CDH13: variants seen among roughly 807,000 people sequenced by gnomAD.
CDH13 encodes the protein cadherin-13.
Under a neutral mutation model 63.8 loss-of-function variants are expected in CDH13, and 24 were observed. That is an observed-to-expected ratio of 0.38 (90% CI 0.27 to 0.53). The LOEUF (loss-of-function observed/expected upper bound fraction) is 0.53, where lower values mean the gene tolerates loss of function less well. Ranked by LOEUF, CDH13 falls within the 20% of genes least tolerant of loss-of-function variation. The pLI is 0.85. For missense variants in CDH13, 1,049 were observed against 903.1 expected (o/e 1.16, Z -2.07); for synonymous variants, 503 against 355.3 (o/e 1.42, Z -4.67).
chr16:82,979,995 G>T (rs1352123298), intron 2 of CDH13, among the ~76,000 whole-genome samples: 5 of 152,142 alleles, frequency 3.3e-5, no homozygotes, highest in South Asian at 2.1e-4. Context: ...ATCATTAATG[G>T]AATATTTTAT....
chr16:82,703,857 A>G (rs1327884344), intron 1 of CDH13, among the ~76,000 whole-genome samples: 1 of 152,168 alleles, frequency 6.6e-6, no homozygotes, highest in East Asian at 1.9e-4. Flanking sequence ...GAGCCCCGTC[A>G]GTGACACCTG....
intron 2 of CDH13, among the ~76,000 whole-genome samples, chr16:82,984,013 C>A (rs532743222): frequency 2.6e-5 from 4 of 152,180 alleles, no homozygotes; most frequent in African/African-American, 9.7e-5. Flanking sequence ...GGAAGCTGGA[C>A]TGGGAAGCCC....
chr16:83,116,314 G>A (rs1050325178), intron 3 of CDH13, among the ~76,000 whole-genome samples: 2 of 152,200 alleles, frequency 1.3e-5, no homozygotes, highest in Admixed American at 6.5e-5. Context: ...AGGGAGGTCA[G>A]GGGGATGGGG....
chr16:83,139,480 C>A lies in CDH13; in HGVS notation c.483+13979C>A, dbSNP rs1464081397. ...CTGATGTTGGCTATGCATTAGTTTA[C>A]ACAATTCACAGGCTCTGTGTTGCTC... On this transcript the variant is annotated intron_variant, in intron 4 of 13. Transcript: ENST00000567109. Among the ~76,000 whole-genome samples, 13 of 152,322 alleles carry A rather than the reference C, an allele frequency of 8.5e-5. 1 individual carries two copies. The East Asian group carries it at 2.1e-3, about 25-fold the overall frequency.
intron 2 of CDH13, among the ~76,000 whole-genome samples, chr16:83,016,774 C>T (rs1473874429): frequency 6.6e-6 from 1 of 152,020 alleles, no homozygotes; most frequent in Non-Finnish European, 1.5e-5. Flanking sequence ...TTCTAGATAT[C>T]CACAAGGAAG....
At chr16:83,290,939 G>A (rs2089451343) in intron 5 of CDH13, among the ~76,000 whole-genome samples, 1 of 152,104 alleles carries the variant, frequency 6.6e-6, no homozygotes, top group African/African-American at 2.4e-5. Context: ...CTGGAGTTCA[G>A]TTTGTCACCC....
At chr16:83,784,372 C>G (rs1159779700) in intron 13 of CDH13, among the ~76,000 whole-genome samples, 3 of 152,126 alleles carry the variant, frequency 2.0e-5, no homozygotes, top group African/African-American at 7.2e-5. Context: ...TGGCTCACAC[C>G]TATAATCCCA....
intron 2 of CDH13, among the ~76,000 whole-genome samples, chr16:83,017,200 C>T (rs976946113): frequency 6.6e-6 from 1 of 152,134 alleles, no homozygotes; most frequent in Admixed American, 6.6e-5. Flanking sequence ...TTTTCCTTGA[C>T]CCTCTTCAGA....
chr16:83,685,423 GA>G (rs1904297150), intron 10 of CDH13, among the ~76,000 whole-genome samples: 2 of 152,132 alleles, frequency 1.3e-5, no homozygotes, highest in Non-Finnish European at 2.9e-5. Context: ...CAAAATAATA[GA>G]TGATGTTGCT....
At chr16:83,383,829 C>T (rs1424007680) in intron 6 of CDH13, among the ~76,000 whole-genome samples, 1 of 152,162 alleles carries the variant, frequency 6.6e-6, no homozygotes, top group Non-Finnish European at 1.5e-5. Context: ...ACCTTGGTTT[C>T]TTTTCATGGA....
At chr16:83,327,796 T>TA (rs1214535383) in intron 5 of CDH13, among the ~76,000 whole-genome samples, 1 of 152,126 alleles carries the variant, frequency 6.6e-6, no homozygotes, top group African/African-American at 2.4e-5. Context: ...AAAAAAGTCT[T>TA]ATAGGTGAGG....
At chr16:83,079,701 C>G (rs73598142) in intron 3 of CDH13, among the ~76,000 whole-genome samples, 1 of 152,102 alleles carries the variant, frequency 6.6e-6, no homozygotes, top group Non-Finnish European at 1.5e-5. Context: ...ATGGCATGTA[C>G]GCAAATGTGT....
intron 7 of CDH13, among the ~76,000 whole-genome samples, chr16:83,550,319 C>G (rs186547974): frequency 6.6e-6 from 1 of 152,274 alleles, no homozygotes; most frequent in African/African-American, 2.4e-5. Context: ...AACCAGGGGG[C>G]GCTGACAGAA....
In CDH13 at chr16:83,352,706, C is replaced by T. The variant is rs572411836; in HGVS notation, c.781+7700C>T. ...GAGATCGAGACCATCCTGGCTAACA[C>T]GGTGAAACCCCGTCTCTACTAAAAA... On this transcript the variant is annotated intron_variant, in intron 6 of 13. Coordinates refer to ENST00000567109, the MANE Select transcript of CDH13 (RefSeq NM_001257.5). Among the ~76,000 whole-genome samples, 6 of 152,142 alleles carry T rather than the reference C, an allele frequency of 3.9e-5. No homozygotes were observed. The East Asian group carries it at 7.8e-4, about 20-fold the overall frequency.
chr16:83,398,316 C>G (rs1268154163), intron 6 of CDH13: 1 of 152,376 alleles, frequency 6.6e-6, no homozygotes, highest in Non-Finnish European at 1.5e-5. Context: ...CCTTCCTTGC[C>G]TCTTCCAGCT....
chr16:83,050,656 T>C (rs1365422388), intron 3 of CDH13, among the ~76,000 whole-genome samples: 4 of 152,096 alleles, frequency 2.6e-5, no homozygotes, highest in African/African-American at 9.7e-5. Context: ...TGTCTCCAAA[T>C]TTATAGCTTC....
intron 5 of CDH13, among the ~76,000 whole-genome samples, chr16:83,291,493 G>A (rs969934784): frequency 5.9e-5 from 9 of 152,130 alleles, no homozygotes; most frequent in Admixed American, 2.0e-4. Context: ...ATTAGGCAGC[G>A]TAGTTAGTAG....
At chr16:83,456,689 G>A (rs887179780) in intron 6 of CDH13, among the ~76,000 whole-genome samples, 3 of 152,124 alleles carry the variant, frequency 2.0e-5, no homozygotes, top group Admixed American at 6.5e-5. Flanking sequence ...GGGGCTGGGC[G>A]CAGGGTTCAT....
intron 7 of CDH13, among the ~76,000 whole-genome samples, chr16:83,527,681 A>C (rs767437880): frequency 6.6e-6 from 1 of 152,112 alleles, no homozygotes. Context: ...GGTGCTACGA[A>C]AGGACCCAGT....
Sources: allele counts gnomAD v4.1 joint callset (sites outside exome capture counted in the v4.1 genomes callset), GRCh38; gene constraint gnomAD v4.1.1; transcripts MANE v1.5; gene names NCBI Gene and HGNC (gene_info 2026-07-23, HGNC 2026-07-21).